HECW2: variants seen among roughly 807,000 people sequenced by gnomAD.
The protein encoded by HECW2 is E3 ubiquitin-protein ligase HECW2.
In HECW2, 61 loss-of-function variants were observed where a neutral mutation model predicts 175.2. The ratio of observed to expected loss-of-function variants is 0.35; its 90% CI spans 0.28 to 0.43. HECW2 has a LOEUF of 0.43. Among genes scored for constraint, HECW2 ranks in the 20% least tolerant of loss-of-function variants. HECW2 has a pLI of 1.00. For missense variants in HECW2, 1,524 were observed against 2,000.5 expected, an observed-to-expected ratio of 0.76 and a Z score of 4.54; for synonymous variants, 671 against 731.0, an observed-to-expected ratio of 0.92 and a Z score of 1.32.
intron 1 of HECW2, among the ~76,000 whole-genome samples, chr2:196,472,692 G>A (rs1454065125): frequency 6.6e-6 from 1 of 151,816 alleles, no homozygotes; most frequent in African/African-American, 2.4e-5. Flanking sequence ...CGCGATTTCA[G>A]CTCACTGCAA....
chr2:196,218,576 G>A (rs1016528451), intron 26 of HECW2, among the ~76,000 whole-genome samples: 2 of 152,134 alleles, frequency 1.3e-5, no homozygotes, highest in Non-Finnish European at 2.9e-5. Flanking sequence ...CACTTTGGGA[G>A]GCCAAGGCAG....
intron 2 of HECW2, among the ~76,000 whole-genome samples, chr2:196,401,462 G>A (rs1274997177): frequency 6.6e-6 from 1 of 151,982 alleles, no homozygotes; most frequent in East Asian, 1.9e-4. Flanking sequence ...CTTTCCTTTG[G>A]TGAAGAAAGG....
chr2:196,482,067 G>A (rs1686860377), intron 1 of HECW2, among the ~76,000 whole-genome samples: 1 of 152,184 alleles, frequency 6.6e-6, no homozygotes. Context: ...GGATGAAAGT[G>A]CCATTAAAGG....
At chr2:196,593,217 T>G in intron 1 of HECW2, among the ~76,000 whole-genome samples, 1 of 151,120 alleles carries the variant, frequency 6.6e-6, no homozygotes, top group Non-Finnish European at 1.5e-5. Flanking sequence ...GACCCGCCGA[T>G]TGTGTCGAGT....
chr2:196,432,190 A>C (rs761000924), intron 2 of HECW2, among the ~76,000 whole-genome samples: 1 of 152,208 alleles, frequency 6.6e-6, no homozygotes, highest in Non-Finnish European at 1.5e-5. Flanking sequence ...CTGGCTAAGA[A>C]GTACTGCCAT....
intron 2 of HECW2, among the ~76,000 whole-genome samples, chr2:196,355,240 T>C (rs1290926974): frequency 6.6e-6 from 1 of 152,222 alleles, no homozygotes; most frequent in Admixed American, 6.5e-5. Flanking sequence ...CAAAGTCTCT[T>C]TCAAGTACAC....
At chr2:196,247,034 C>A (rs572301331) in intron 19 of HECW2, among the ~76,000 whole-genome samples, 4 of 151,932 alleles carry the variant, frequency 2.6e-5, no homozygotes, top group African/African-American at 7.2e-5. Context: ...AGGCTGAGGT[C>A]GGTGGATCAT....
chr2:196,590,405 C>A (rs1691146049), intron 1 of HECW2, among the ~76,000 whole-genome samples: 1 of 152,156 alleles, frequency 6.6e-6, no homozygotes, highest in African/African-American at 2.4e-5. Context: ...GATAACAGAG[C>A]TGGAAAGGTT....
At chr2:196,436,081 G>A (rs974214967) in intron 1 of HECW2, among the ~76,000 whole-genome samples, 2 of 152,140 alleles carry the variant, frequency 1.3e-5, no homozygotes, top group African/African-American at 4.8e-5. Context: ...CCAAGCTTTG[G>A]CCCCATAACA....
intron 17 of HECW2, among the ~76,000 whole-genome samples, chr2:196,265,300 C>T (rs551725884): frequency 6.6e-6 from 1 of 152,324 alleles, no homozygotes; most frequent in Admixed American, 6.5e-5. Flanking sequence ...GCCTGGCCAA[C>T]ATGGTGAAAC....
In HECW2 at chr2:196,278,637, C is replaced by T. The variant is rs368260728; in HGVS notation, c.3026G>A (p.Arg1009His). 4.3e-6 allele frequency: 7 copies of T among 1,613,964 alleles called. No homozygotes were observed. The highest frequency in any genetic ancestry group is 2.2e-5 in the South Asian group (2 of 91,066). Reference sequence around the variant, plus strand: ...CCGGGGATCAATGAAAGTGGTGGTGCGGGAGTTGTGGTCCACAAAGAATGC... The same window carrying T: ...CCGGGGATCAATGAAAGTGGTGGTGTGGGAGTTGTGGTCCACAAAGAATGC... Reference protein sequence around the residue: ...GKAFFVDHNSRTTTFIDPRLP... With the variant: ...GKAFFVDHNSHTTTFIDPRLP... The change falls in exon 15 of 29, where the codon CGC becomes CAC. Residue 1009 changes from arginine to histidine, a missense_variant. By Grantham distance (29) the Arg-to-His change is conservative. This residue lies in a region of HECW2 where 291 missense variants were observed against 412.2 expected (regional missense o/e 0.71). Coordinates refer to ENST00000644978, the MANE Select transcript of HECW2 (RefSeq NM_001348768.2).
intron 2 of HECW2, among the ~76,000 whole-genome samples, chr2:196,364,427 T>C (rs1274166850): frequency 1.3e-5 from 2 of 152,216 alleles, no homozygotes; most frequent in East Asian, 1.9e-4. Flanking sequence ...GGATGGTAAT[T>C]TTTTAAGCAC....
intron 28 of HECW2, among the ~76,000 whole-genome samples, chr2:196,212,772 C>G (rs1042943877): frequency 6.6e-6 from 1 of 152,192 alleles, no homozygotes; most frequent in Non-Finnish European, 1.5e-5. Flanking sequence ...AGTTGCCACA[C>G]TGTCTTCCAC....
chr2:196,271,308 A>C lies in HECW2; in HGVS notation c.3239-19T>G. ...TTGTAAGCTGAAAAAAAAATCAGAA[A>C]AGACAACAATTTAAAAAAGAATCTA... On this transcript the variant is annotated intron_variant, in intron 16 of 28. Coordinates refer to ENST00000644978, the MANE Select transcript of HECW2 (RefSeq NM_001348768.2). 6.7e-7 allele frequency: 1 copy of C among 1,494,572 alleles called. No homozygotes were observed. Among genetic ancestry groups the C allele is most frequent in the Non-Finnish European group, 9.3e-7 (1 of 1,073,420 alleles). The allele number at this position is 1,494,572 out of a possible 1,614,324, so 92.6% of individuals were successfully genotyped here.
At position 196,386,425 on chromosome 2, in the gene HECW2, C is replaced by T. The variant is rs536260920; in HGVS notation, c.293-42661G>A. Among the ~76,000 whole-genome samples, 10 of 152,116 alleles carry T rather than the reference C, an allele frequency of 6.6e-5. 1 individual carries two copies. In the South Asian group the frequency reaches 2.1e-3, roughly 32 times the overall value. On this transcript the variant is annotated intron_variant, in intron 2 of 28. Transcript: ENST00000644978. ...CAAAAAGAACAATCAGTGCAAAGGC[C>T]CCCATGAGGGAGCTTGCTAACATGC...
At chr2:196,470,673 T>C (rs1450671714) in intron 1 of HECW2, among the ~76,000 whole-genome samples, 1 of 152,190 alleles carries the variant, frequency 6.6e-6, no homozygotes, top group Non-Finnish European at 1.5e-5. Flanking sequence ...CCATAACTAA[T>C]ACTTATTATC....
chr2:196,208,701 T>A (rs1392935053), intron 28 of HECW2, among the ~76,000 whole-genome samples: 1 of 152,162 alleles, frequency 6.6e-6, no homozygotes, highest in Admixed American at 6.5e-5. Context: ...TAGGCAGCAA[T>A]TCCCTGAGCC....
At chr2:196,278,071 T>C (rs1163066071) in intron 15 of HECW2, among the ~76,000 whole-genome samples, 1 of 140,784 alleles carries the variant, frequency 7.1e-6, no homozygotes, top group Non-Finnish European at 1.5e-5. Context: ...GGCACATGTA[T>C]ACAAATGTAA....
At chr2:196,307,463 T>G (rs1259084469) in intron 11 of HECW2, among the ~76,000 whole-genome samples, 1 of 152,178 alleles carries the variant, frequency 6.6e-6, no homozygotes, top group Non-Finnish European at 1.5e-5. Context: ...ACTAAAAAAA[T>G]TCTGTGGCCC....
Sources: gnomAD v4.1 joint callset for allele counts (sites outside exome capture counted in the v4.1 genomes callset) on GRCh38, gnomAD v4.1.1 for gene constraint, gnomAD v4.1.1 regional missense constraint, MANE v1.5 for transcripts, NCBI Gene and HGNC (gene_info 2026-07-23, HGNC 2026-07-21) for gene names.